Variants in PFKFB3 observed in about 807,000 individuals in gnomAD.
The protein encoded by PFKFB3 is 6-phosphofructo-2-kinase/fructose-2,6-biphosphatase 3.
In PFKFB3, 33 loss-of-function variants were observed where a neutral mutation model predicts 68.0. The observed-to-expected ratio is 0.49, with a 90% CI of 0.37 to 0.65. The LOEUF is 0.65. Ranked by LOEUF, PFKFB3 falls within the 30% of genes least tolerant of loss-of-function variation. PFKFB3 has a pLI of 0.00. For synonymous variants in PFKFB3, 315 were observed against 288.2 expected, an observed-to-expected ratio of 1.09 and a Z score of -0.94; for missense variants, 586 against 712.2, an observed-to-expected ratio of 0.82 and a Z score of 2.02.
chr10:6,152,907 C>T (rs776437566), intron 1 of PFKFB3, among the ~76,000 whole-genome samples: 8 of 151,596 alleles, frequency 5.3e-5, no homozygotes, highest in Non-Finnish European at 1.0e-4. Flanking sequence ...AGGCTGGGCA[C>T]GGTGGCTCAC....
the PFKFB3 span, among the ~76,000 whole-genome samples, chr10:6,301,078 A>G: frequency 1.3e-5 from 2 of 152,170 alleles, no homozygotes; most frequent in Non-Finnish European, 2.9e-5. Context: ...CAAGCTTGGC[A>G]TGGCCAGACT....
In PFKFB3 at chr10:6,231,369, C is replaced by T. The variant is rs1007753196; in HGVS notation, c.1516-1526C>T. The stretch of plus-strand genomic sequence containing the variant: ...CCGCACCGCGTCACGGCATCTGGGT[C>T]TGTGTGCAGACTGGCCATCGTGCAA... On this transcript the variant is annotated intron_variant, in intron 14 of 14. Coordinates refer to ENST00000379775, the MANE Select transcript of PFKFB3 (RefSeq NM_004566.4). 10 of 1,610,160 alleles carry T rather than the reference C, an allele frequency of 6.2e-6. No homozygotes were observed. The African/African-American group carries it at 1.2e-4, about 19-fold the overall frequency.
rs561107538 is a variant in PFKFB3 at position 6,207,374 on chromosome 10, C to T, written c.76+4038C>T. On this transcript the variant is annotated intron_variant, in intron 1 of 14. Coordinates refer to ENST00000379775, the MANE Select transcript of PFKFB3 (RefSeq NM_004566.4). ...ATCAGGCAGGGAGGTTGCAGTGAGC[C>T]GAGATGGCAGCAGTACAGTCCAGCT... Among the ~76,000 whole-genome samples the T allele has an allele frequency of 9.3e-4, 142 of 152,320 alleles. 1 individual carries two copies. The highest frequency in any genetic ancestry group is 3.1e-3 in the African/African-American group (128 of 41,566).
intron 1 of PFKFB3, among the ~76,000 whole-genome samples, chr10:6,211,872 G>A (rs888388526): frequency 2.6e-4 from 39 of 152,308 alleles, no homozygotes; most frequent in Middle Eastern, 3.4e-3. Context: ...ACAAAGGCCC[G>A]GCATGCCATG....
the PFKFB3 span, among the ~76,000 whole-genome samples, chr10:6,273,489 C>T: frequency 6.6e-6 from 1 of 152,092 alleles, no homozygotes; most frequent in Non-Finnish European, 1.5e-5. Context: ...TGTCGGGAAA[C>T]CTGTGTTCTG....
intron 1 of PFKFB3, among the ~76,000 whole-genome samples, chr10:6,179,565 G>A (rs1842645731): frequency 1.3e-5 from 2 of 152,166 alleles, no homozygotes; most frequent in South Asian, 2.1e-4. Context: ...CTCCTATGGT[G>A]GGATGTTGCT....
chr10:6,267,883 A>G, the PFKFB3 span, among the ~76,000 whole-genome samples: 1 of 139,940 alleles, frequency 7.1e-6, no homozygotes, highest in Non-Finnish European at 1.5e-5. Context: ...TGAACCCGGG[A>G]GGCAGAGGTT....
chr10:6,233,730 T>C lies in PFKFB3; in HGVS notation c.*788T>C, dbSNP rs1282068218. ...ACTTGGGGGGAACTGAGAAACACTT[T>C]CCTGGAGCTGCTGGCTTTTGCACTT... On this transcript the variant is annotated 3_prime_UTR_variant, in exon 15 of 15. Coordinates refer to ENST00000379775, the MANE Select transcript of PFKFB3 (RefSeq NM_004566.4). 6.5e-6 allele frequency: 1 copy of C among 152,902 alleles called. No homozygotes were observed. Among genetic ancestry groups the C allele is most frequent in the Non-Finnish European group, 1.5e-5 (1 of 68,094 alleles). 9.5% of individuals were successfully genotyped at this position (152,902 alleles called of 1,614,324 possible).
intron 14 of PFKFB3, among the ~76,000 whole-genome samples, chr10:6,230,808 C>T (rs892800209): frequency 7.2e-5 from 11 of 152,044 alleles, no homozygotes; most frequent in Admixed American, 4.6e-4. Flanking sequence ...CTCCTTCTCC[C>T]GGGTTCAAGC....
downstream of PFKFB3, among the ~76,000 whole-genome samples, chr10:6,236,710 C>A (rs1846020457): frequency 1.3e-5 from 2 of 152,204 alleles, no homozygotes; most frequent in East Asian, 1.9e-4. Context: ...GGAAATCTGG[C>A]CTAGCCTTTC....
At chr10:6,190,987 C>T (rs1335369975) in intron 1 of PFKFB3, among the ~76,000 whole-genome samples, 1 of 152,132 alleles carries the variant, frequency 6.6e-6, no homozygotes, top group Non-Finnish European at 1.5e-5. Flanking sequence ...CCATATTGGC[C>T]AGGCTGGTCT....
chr10:6,186,293 G>T (rs368612488), intron 1 of PFKFB3, among the ~76,000 whole-genome samples: 1 of 152,046 alleles, frequency 6.6e-6, no homozygotes, highest in Non-Finnish European at 1.5e-5. Flanking sequence ...CTAATCACAC[G>T]ACCACATCCT....
At chr10:6,219,861 T>G (rs1844833164) in intron 7 of PFKFB3, among the ~76,000 whole-genome samples, 168 bp downstream of exon 7, 1 of 152,142 alleles carries the variant, frequency 6.6e-6, no homozygotes, top group Non-Finnish European at 1.5e-5. Flanking sequence ...GGTCTTGAGC[T>G]CCTGGCCTCA....
At chr10:6,157,987 TA>T (rs200887109) in intron 1 of PFKFB3, among the ~76,000 whole-genome samples, 1,638 of 152,132 alleles carry the variant, frequency 0.011, 67 homozygotes, top group East Asian at 0.099. Flanking sequence ...TAAAGCCTTT[TA>T]AAAGTCAGGC....
At chr10:6,219,234 T>C (rs567785744) in intron 6 of PFKFB3, among the ~76,000 whole-genome samples, 20 of 152,342 alleles carry the variant, frequency 1.3e-4, no homozygotes, top group African/African-American at 4.6e-4. Context: ...TGGAGCTCGG[T>C]TGAGTTCAGC....
chr10:6,306,546 C>A, the PFKFB3 span, among the ~76,000 whole-genome samples: 1 of 151,990 alleles, frequency 6.6e-6, no homozygotes, highest in East Asian at 1.9e-4. Flanking sequence ...GGTTGCTTTT[C>A]AAAAATGTAA....
At chr10:6,246,832 G>C (rs1297643199) in intron 14 of PFKFB3, among the ~76,000 whole-genome samples, 1 of 152,112 alleles carries the variant, frequency 6.6e-6, no homozygotes, top group Non-Finnish European at 1.5e-5. Flanking sequence ...CCCAGTGTCT[G>C]CTGTTCCCAT....
chr10:6,157,985 T>A (rs79091982), intron 1 of PFKFB3, among the ~76,000 whole-genome samples: 35,841 of 151,538 alleles, frequency 0.24, 4,368 homozygotes, highest in Non-Finnish European at 0.27. Context: ...GGTAAAGCCT[T>A]TTAAAAGTCA....
intron 1 of PFKFB3, among the ~76,000 whole-genome samples, chr10:6,207,609 T>C (rs1223817458): frequency 6.6e-6 from 1 of 152,162 alleles, no homozygotes; most frequent in Non-Finnish European, 1.5e-5. Context: ...GGTTTATTGC[T>C]GAAGAGGGTG....
Sources: gnomAD v4.1 joint callset for allele counts (sites outside exome capture counted in the v4.1 genomes callset) on GRCh38, gnomAD v4.1.1 for gene constraint, MANE v1.5 for transcripts, NCBI Gene and HGNC (gene_info 2026-07-23, HGNC 2026-07-21) for gene names.